The following EEA1 variants were observed in gnomAD, a reference collection of about 807,000 sequenced individuals.
EEA1 encodes early endosome antigen 1.
A neutral mutation model predicts 209.2 loss-of-function variants in EEA1; 111 were observed. That is an observed-to-expected ratio of 0.53 (90% CI 0.45 to 0.62). The LOEUF is 0.62. EEA1 is among the 20% of genes least tolerant of loss of function. The pLI is 0.00. For missense variants in EEA1, 1,343 were observed against 1,530.8 expected (o/e 0.88, Z 2.05); for synonymous variants, 536 against 540.6 (o/e 0.99, Z 0.12).
chr12:92,901,330 G>A lies in EEA1; in HGVS notation c.25-9609C>T, dbSNP rs148916258. 2.3e-3 allele frequency among the ~76,000 whole-genome samples: 350 copies of A among 152,192 alleles called. 3 individuals carry two copies. The highest frequency in any genetic ancestry group is 7.8e-3 in the African/African-American group (323 of 41,518). On this transcript the variant is annotated intron_variant, in intron 1 of 28. Coordinates refer to ENST00000322349, the MANE Select transcript of EEA1 (RefSeq NM_003566.4). ...CCCTCCCAAAGTGCTGGGATTACAG[G>A]TGTGAGCCACCATGGCCACCTGAAA...
rs1216761835 is a variant in EEA1 at position 92,770,994 on chromosome 12, T to TG, written c.*5016_*5017insC. ...CCATAAAAATACTTTCTGGTTTTGATTGGTGTGTGTGTGTGTGTGTGTGTG... is the reference window on the plus strand; with the variant it reads ...CCATAAAAATACTTTCTGGTTTTGATGTGGTGTGTGTGTGTGTGTGTGTGTG... On this transcript the variant is annotated 3_prime_UTR_variant, in exon 29 of 29. Coordinates refer to ENST00000322349, the MANE Select transcript of EEA1 (RefSeq NM_003566.4). 5.7e-5 allele frequency: 5 copies of TG among 87,020 alleles called. No individual in the cohort carries two copies. Among genetic ancestry groups the TG allele is most frequent in the African/African-American group, 7.7e-5 (2 of 25,876 alleles). The allele number at this position is 87,020 out of a possible 1,614,324, so 5.4% of individuals were successfully genotyped here. A position where few individuals can be genotyped will look rare whatever the true frequency, so the allele number is the denominator to read the frequency against.
intron 10 of EEA1, among the ~76,000 whole-genome samples, chr12:92,834,754 T>C (rs772452611): frequency 8.5e-5 from 13 of 152,164 alleles, no homozygotes; most frequent in Admixed American, 1.3e-4. Flanking sequence ...AGAAAAATTA[T>C]CTTTTTATAA....
intron 1 of EEA1, among the ~76,000 whole-genome samples, chr12:92,911,841 AAGAAAG>A (rs2136777435): frequency 6.6e-6 from 1 of 152,332 alleles, no homozygotes; most frequent in South Asian, 2.1e-4. Flanking sequence ...TCCTTTTCTC[AAGAAAG>A]AGAAAATCAA....
chr12:92,902,501 G>A (rs892169681), intron 1 of EEA1, among the ~76,000 whole-genome samples: 1 of 152,158 alleles, frequency 6.6e-6, no homozygotes, highest in East Asian at 1.9e-4. Context: ...CCAGAAGTTT[G>A]GGAGGCCAAA....
chr12:92,831,713 G>A (rs1446882163), intron 11 of EEA1, among the ~76,000 whole-genome samples: 2 of 149,038 alleles, frequency 1.3e-5, no homozygotes, highest in South Asian at 2.1e-4. Flanking sequence ...ACAGCATTAG[G>A]GCTGATTCAC....
At chr12:92,881,553 A>G (rs1198898065) in intron 2 of EEA1, among the ~76,000 whole-genome samples, 5 of 152,220 alleles carry the variant, frequency 3.3e-5, no homozygotes, top group African/African-American at 9.6e-5. Flanking sequence ...AGAGAAGCAC[A>G]AGAAAGACTG....
In EEA1 at chr12:92,828,010, T is replaced by A; in HGVS notation, c.1306A>T (p.Arg436Trp). The A allele has an allele frequency of 6.3e-7, 1 of 1,597,990 alleles. No homozygotes were observed. The highest frequency in any genetic ancestry group is 1.1e-5 in the South Asian group (1 of 87,876). The change falls in exon 12 of 29, where the codon AGG becomes TGG. Residue 436 changes from arginine (R) to tryptophan (W), a missense_variant. Physicochemically the swap from Arg to Trp is moderately radical, Grantham distance 101. Coordinates refer to ENST00000322349, the MANE Select transcript of EEA1 (RefSeq NM_003566.4). ...GAAAGCTGTCTCTGTTCCTTCAGCCTACCATGAGCTTCCCCTAGTTGGCGC... is the reference window on the plus strand; with the variant it reads ...GAAAGCTGTCTCTGTTCCTTCAGCCAACCATGAGCTTCCCCTAGTTGGCGC... ...TERQLGEAHG[R>W]LKEQRQLSSE...
At chr12:92,847,640 T>C (rs184089251) in intron 9 of EEA1, among the ~76,000 whole-genome samples, 44 of 152,276 alleles carry the variant, frequency 2.9e-4, no homozygotes, top group Admixed American at 2.5e-3. Flanking sequence ...ACAAGATTAA[T>C]AGCACAAATT....
chr12:92,791,855 T>C (rs147458138), intron 21 of EEA1, among the ~76,000 whole-genome samples: 40 of 152,250 alleles, frequency 2.6e-4, no homozygotes, highest in African/African-American at 7.5e-4. Context: ...TATTCTAAAA[T>C]TGACCACATA....
At chr12:92,906,946 G>A (rs1880408539) in intron 1 of EEA1, among the ~76,000 whole-genome samples, 1 of 152,096 alleles carries the variant, frequency 6.6e-6, no homozygotes, top group African/African-American at 2.4e-5. Context: ...ACTATATGCA[G>A]ACCTTAAGAA....
At chr12:92,791,156 C>T (rs2136657982) in intron 21 of EEA1, among the ~76,000 whole-genome samples, 1 of 152,262 alleles carries the variant, frequency 6.6e-6, no homozygotes, top group South Asian at 2.1e-4. Flanking sequence ...CCGGTACCAG[C>T]CACTGCAAAA....
intron 2 of EEA1, among the ~76,000 whole-genome samples, chr12:92,865,297 T>C (rs1047318482): frequency 5.3e-5 from 8 of 152,012 alleles, no homozygotes; most frequent in African/African-American, 1.9e-4. Flanking sequence ...TTGAGAAGAT[T>C]TGCCATCATA....
Position 92,828,074 on chromosome 12 carries a change from A to G in EEA1, c.1255-13T>C, listed in dbSNP as rs1322138217. On this transcript the variant is annotated splice_polypyrimidine_tract_variant and intron_variant, in intron 11 of 28. Coordinates refer to ENST00000322349, the MANE Select transcript of EEA1 (RefSeq NM_003566.4). ...GTTTGCTATGTAACTTTAAAAAAAG[A>G]AAAAAAAATGTATGTACATATGTAC... 2 of 1,527,014 alleles carry G rather than the reference A, an allele frequency of 1.3e-6. No homozygotes were observed. The highest frequency in any genetic ancestry group is 2.8e-5 in the African/African-American group (2 of 70,516). 94.6% of individuals were successfully genotyped at this position (1,527,014 alleles called of 1,614,324 possible).
chr12:92,911,496 T>C (rs1445778269), intron 1 of EEA1, among the ~76,000 whole-genome samples: 1 of 152,182 alleles, frequency 6.6e-6, no homozygotes, highest in Non-Finnish European at 1.5e-5. Context: ...AAGGGAAGGA[T>C]GAATAGGCAA....
chr12:92,902,572 C>G (rs375551696), intron 1 of EEA1, among the ~76,000 whole-genome samples: 2 of 152,122 alleles, frequency 1.3e-5, no homozygotes, highest in Non-Finnish European at 2.9e-5. Context: ...GAAACCCCGT[C>G]TCTACTAAAA....
intron 10 of EEA1, among the ~76,000 whole-genome samples, chr12:92,842,236 A>G (rs1048403695): frequency 6.6e-6 from 1 of 152,130 alleles, no homozygotes; most frequent in African/African-American, 2.4e-5. Context: ...GGAAGCTTCC[A>G]GGAGCTAGAG....
In EEA1 at chr12:92,851,260, T is replaced by G; in HGVS notation, c.649A>C (p.Arg217=). The change falls in exon 9 of 29, where the codon AGA becomes CGA. Residue 217 remains arginine (R), a synonymous_variant. Transcript: ENST00000322349. Reference sequence around the variant, plus strand: ...ACGGCAACATCTTCTATACCAGGTCTCTGAAGCTGTGAAACAACACATTTT... The same window carrying G: ...ACGGCAACATCTTCTATACCAGGTCGCTGAAGCTGTGAAACAACACATTTT... ...IQDLKTELLQ[R]PGIEDVAVLK... The G allele has an allele frequency of 6.2e-7, 1 of 1,605,688 alleles. No homozygotes were observed. The highest frequency in any genetic ancestry group is 1.1e-5 in the South Asian group (1 of 88,586).
At chr12:92,783,966 G>A (rs144703435) in intron 22 of EEA1, among the ~76,000 whole-genome samples, 1 of 152,020 alleles carries the variant, frequency 6.6e-6, no homozygotes, top group African/African-American at 2.4e-5. Flanking sequence ...TATTTATGAG[G>A]ATTCTTAAGC....
At chr12:92,893,539 C>T (rs1879747120) in intron 1 of EEA1, among the ~76,000 whole-genome samples, 1 of 151,766 alleles carries the variant, frequency 6.6e-6, no homozygotes, top group African/African-American at 2.4e-5. Context: ...CAACCTAAAT[C>T]CAAATAAGGA....
Sources: allele counts gnomAD v4.1 joint callset (sites outside exome capture counted in the v4.1 genomes callset), GRCh38; gene constraint gnomAD v4.1.1; transcripts MANE v1.5; gene names NCBI Gene and HGNC (gene_info 2026-07-23, HGNC 2026-07-21).